The following CDHR3 variants were observed in gnomAD, a reference collection of about 807,000 sequenced individuals.
CDHR3 encodes cadherin related family member 3, also known as cadherin-related family member 3.
In CDHR3, 79 loss-of-function variants were observed where a neutral mutation model predicts 86.6. The ratio of observed to expected loss-of-function variants is 0.91; its 90% CI spans 0.76 to 1.10. The LOEUF (loss-of-function observed/expected upper bound fraction) is 1.10. Ranked by LOEUF, CDHR3 falls within the 50% of genes least tolerant of loss-of-function variation. The pLI, the probability that CDHR3 is intolerant of heterozygous loss-of-function variation, is 0.00. For synonymous variants in CDHR3, 421 were observed against 402.4 expected, an observed-to-expected ratio of 1.05 and a Z score of -0.55; for missense variants, 1,081 against 1,077.6, an observed-to-expected ratio of 1.00 and a Z score of -0.04.
At chr7:105,963,921 C>T (rs916736551) in intron 1 of CDHR3, among the ~76,000 whole-genome samples, 1 of 152,070 alleles carries the variant, frequency 6.6e-6, no homozygotes, top group African/African-American at 2.4e-5. Context: ...TTAATGTCAG[C>T]TTGGATTATT....
At chr7:106,007,619 C>G (rs1834135721) in intron 8 of CDHR3, among the ~76,000 whole-genome samples, 1 of 152,234 alleles carries the variant, frequency 6.6e-6, no homozygotes, top group Non-Finnish European at 1.5e-5. Flanking sequence ...CAGTTCCCAA[C>G]AAGTTCCTCA....
intron 4 of CDHR3, among the ~76,000 whole-genome samples, chr7:105,987,348 C>T (rs1830672652): frequency 6.6e-6 from 1 of 152,188 alleles, no homozygotes; most frequent in African/African-American, 2.4e-5. Flanking sequence ...CTGGAACTAA[C>T]AGCTGTACAG....
chr7:106,001,884 G>GA (rs1182871855), intron 7 of CDHR3, among the ~76,000 whole-genome samples: 1 of 152,090 alleles, frequency 6.6e-6, no homozygotes, highest in African/African-American at 2.4e-5. Flanking sequence ...ATAATGACAA[G>GA]AAAAAAATGT....
chr7:105,984,131 T>C, intron 3 of CDHR3, 61 bp from the exon 4 acceptor site: 1 of 1,033,704 alleles, frequency 9.7e-7, no homozygotes, highest in Non-Finnish European at 1.4e-6. Flanking sequence ...GCCTTGATTT[T>C]GGAATTCCCC....
chr7:106,028,433 C>T (rs1837709349), intron 16 of CDHR3, 118 bp from the exon 17 acceptor site: 2 of 1,097,840 alleles, frequency 1.8e-6, no homozygotes, highest in Non-Finnish European at 2.7e-6. Flanking sequence ...CAATTCTTTG[C>T]TGTGTCTGCA....
At chr7:105,996,514 C>T (rs1483029139) in intron 6 of CDHR3, among the ~76,000 whole-genome samples, 160 bp downstream of exon 6, 1 of 152,162 alleles carries the variant, frequency 6.6e-6, no homozygotes, top group Non-Finnish European at 1.5e-5. Flanking sequence ...TTATCTGGGC[C>T]TCTGGACTGC....
At chr7:105,996,902 G>A (rs1217699077) in intron 6 of CDHR3, among the ~76,000 whole-genome samples, 1 of 152,122 alleles carries the variant, frequency 6.6e-6, no homozygotes, top group Admixed American at 6.5e-5. Context: ...AATGCATCGG[G>A]TGGAGGGTAG....
intron 17 of CDHR3, among the ~76,000 whole-genome samples, chr7:106,029,548 G>GTC (rs59823993): frequency 0.17 from 25,384 of 146,728 alleles, 3,540 homozygotes; most frequent in African/African-American, 0.38. Context: ...CTCCACCTCT[G>GTC]TCTCTCTCTC....
At chr7:105,986,873 G>A (rs1477446136) in intron 4 of CDHR3, among the ~76,000 whole-genome samples, 2 of 151,996 alleles carry the variant, frequency 1.3e-5, no homozygotes, top group African/African-American at 2.4e-5. Context: ...TTCTGAGAAG[G>A]TTTTCTTCAA....
At chr7:106,025,708 A>G (rs756377096) in intron 15 of CDHR3, among the ~76,000 whole-genome samples, 44 of 152,270 alleles carry the variant, frequency 2.9e-4, no homozygotes, top group Non-Finnish European at 1.2e-4. Flanking sequence ...GAAAGACTGT[A>G]TAAAAGTACA....
At chr7:106,020,342 A>G (rs1328971435) in intron 12 of CDHR3, 31 bp from the exon 13 acceptor site, 2 of 1,559,210 alleles carry the variant, frequency 1.3e-6, no homozygotes, top group Non-Finnish European at 8.7e-7. Flanking sequence ...AGTTTTAGCT[A>G]TTGAGAATGA....
At chr7:105,988,039 C>T (rs528953341) in intron 4 of CDHR3, among the ~76,000 whole-genome samples, 9 of 152,158 alleles carry the variant, frequency 5.9e-5, no homozygotes, top group African/African-American at 1.7e-4. Context: ...TACAGGTGCC[C>T]GCCATCACAC....
intron 4 of CDHR3, among the ~76,000 whole-genome samples, chr7:105,991,772 A>T (rs888274642): frequency 6.6e-6 from 1 of 152,356 alleles, no homozygotes; most frequent in Admixed American, 6.5e-5. Flanking sequence ...GTCACTAAGG[A>T]TATAGCAGTG....
At chr7:106,014,573 A>C (rs1835286149) in intron 9 of CDHR3, among the ~76,000 whole-genome samples, 1 of 152,198 alleles carries the variant, frequency 6.6e-6, no homozygotes, top group Non-Finnish European at 1.5e-5. Flanking sequence ...GTGAGCTATG[A>C]TTACACCTGT....
rs1041484811 is a variant in CDHR3 at position 105,981,028 on chromosome 7, C to T, written c.310C>T (p.Gln104Ter). 1.2e-6 allele frequency: 2 copies of T among 1,612,112 alleles called. No individual in the cohort carries two copies. The highest frequency in any genetic ancestry group is 3.3e-5 in the Admixed American group (2 of 59,764). ...FETGPNIFDL[Q>*]IYVKDEVGVT... ...AACAGGACCAAACATATTTGATTTG[C>T]AGATTTATGTGAAGGATGAGGTTGG... is the stretch of plus-strand genomic sequence containing the variant. The change falls in exon 3 of 19, where the codon CAG (glutamine) becomes TAG (stop). Residue 104 changes from glutamine (Q) to a stop codon, truncating the protein, a stop_gained. Coordinates refer to ENST00000317716, the MANE Select transcript of CDHR3 (RefSeq NM_152750.5). LOFTEE classifies it high-confidence loss of function.
At chr7:106,015,492 ATTCGGT>A (rs1835470307) in intron 10 of CDHR3, among the ~76,000 whole-genome samples, 2 of 152,010 alleles carry the variant, frequency 1.3e-5, no homozygotes, top group South Asian at 4.1e-4. Flanking sequence ...ATTTTTCACC[ATTCGGT>A]TGCTGCTTAA....
intron 17 of CDHR3, among the ~76,000 whole-genome samples, chr7:106,029,579 T>TCTCTCTCTCTCTCTC (rs1554533186): frequency 6.6e-6 from 1 of 151,626 alleles, no homozygotes; most frequent in African/African-American, 2.4e-5. Flanking sequence ...TCTCTCTCTC[T>TCTCTCTCTCTCTCTC]TTGACAGAAC....
rs747517177 is a variant in CDHR3 at position 106,020,458 on chromosome 7, A to G, written c.1739A>G (p.Lys580Arg). 1 of 1,613,992 alleles carries G rather than the reference A, an allele frequency of 6.2e-7. No individual in the cohort carries two copies. Among genetic ancestry groups the G allele is most frequent in the Non-Finnish European group, 8.5e-7 (1 of 1,179,898 alleles). ...TTCCTGGCCCTCCCAGTGGATCTGA[A>G]AGTTGGCACAAATATTCAGAATTTC... ...SYFLALPVDL[K>R]VGTNIQNFKL... Residue 580 changes from lysine (K) to arginine (R), a missense_variant, in exon 13 of 19, where the codon AAA becomes AGA. Physicochemically the swap from Lys to Arg is conservative, Grantham distance 26. Coordinates refer to ENST00000317716, the MANE Select transcript of CDHR3 (RefSeq NM_152750.5).
At chr7:106,017,462 G>A (rs913025780) in intron 11 of CDHR3, among the ~76,000 whole-genome samples, 7 of 151,988 alleles carry the variant, frequency 4.6e-5, no homozygotes, top group Non-Finnish European at 8.8e-5. Flanking sequence ...GGGAGGCTGA[G>A]GCAGGAGAAT....
Sources: allele counts gnomAD v4.1 joint callset (sites outside exome capture counted in the v4.1 genomes callset), GRCh38; gene constraint gnomAD v4.1.1; transcripts MANE v1.5; gene names NCBI Gene and HGNC (gene_info 2026-07-23, HGNC 2026-07-21).